TTLL7: variants seen among roughly 807,000 people sequenced by gnomAD.
The protein encoded by TTLL7 is tubulin polyglutamylase TTLL7.
TTLL7 carries 53 observed loss-of-function variants against 120.2 expected under a neutral mutation model. The observed-to-expected ratio is 0.44, with a 90% CI of 0.35 to 0.55. TTLL7 has a LOEUF of 0.55. Ranked by LOEUF, TTLL7 falls within the 20% of genes least tolerant of loss-of-function variation. TTLL7 has a pLI of 0.00. For missense variants in TTLL7, 803 were observed against 1,054.7 expected, an observed-to-expected ratio of 0.76 and a Z score of 3.31; for synonymous variants, 353 against 351.7, an observed-to-expected ratio of 1.00 and a Z score of -0.04.
At chr1:83,977,457 C>CT (rs772112367) in intron 1 of TTLL7, among the ~76,000 whole-genome samples, 1 of 151,470 alleles carries the variant, frequency 6.6e-6, no homozygotes, top group Non-Finnish European at 1.5e-5. Context: ...AATCACATAC[C>CT]TTTTTTTTGT....
intron 18 of TTLL7, among the ~76,000 whole-genome samples, chr1:83,894,226 A>G (rs751076188): frequency 6.6e-6 from 1 of 152,136 alleles, no homozygotes; most frequent in South Asian, 2.1e-4. Context: ...CAGAAAGGAA[A>G]GAATAAAAAA....
At chr1:83,906,661 C>A in intron 16 of TTLL7, 198 bp from the exon 17 acceptor site, 1 of 643,120 alleles carries the variant, frequency 1.6e-6, no homozygotes, top group South Asian at 1.9e-5. Flanking sequence ...TTTCACACTT[C>A]CACAAGGTTA....
rs143921578 is a variant in TTLL7, at chr1:83,987,394, G to A, written c.-177+11537C>T. ...TGATGGCAATTCTCCCTAAATCAAC[G>A]TATAGGTTTAACACAATTTCAATTA... On this transcript the variant is annotated intron_variant, in intron 1 of 20. Coordinates refer to ENST00000260505, the MANE Select transcript of TTLL7 (RefSeq NM_024686.6). 1.0e-2 allele frequency among the ~76,000 whole-genome samples: 1,515 copies of A among 152,156 alleles called. 14 individuals carry two copies. Among genetic ancestry groups the A allele is most frequent in the Non-Finnish European group, 0.015 (1,050 of 67,994 alleles).
intron 12 of TTLL7, among the ~76,000 whole-genome samples, chr1:83,920,824 C>G (rs891509804): frequency 6.6e-6 from 1 of 151,890 alleles, no homozygotes; most frequent in Admixed American, 6.6e-5. Flanking sequence ...TTTAAAAGAC[C>G]ACATTATAAC....
At chr1:83,908,029 T>C (rs538313049) in intron 15 of TTLL7, among the ~76,000 whole-genome samples, 1 of 152,222 alleles carries the variant, frequency 6.6e-6, no homozygotes, top group South Asian at 2.1e-4. Flanking sequence ...TTAGTCCTCA[T>C]GGAAACCCTC....
intron 20 of TTLL7, among the ~76,000 whole-genome samples, chr1:83,871,378 G>A (rs1243650921): frequency 6.6e-6 from 1 of 152,130 alleles, no homozygotes; most frequent in African/African-American, 2.4e-5. Flanking sequence ...TATATGTCTA[G>A]AGAGAAATGG....
chr1:83,902,653 T>C (rs184422783), intron 18 of TTLL7, among the ~76,000 whole-genome samples: 1 of 152,110 alleles, frequency 6.6e-6, no homozygotes, highest in Admixed American at 6.6e-5. Context: ...CTCTGATTTC[T>C]ACATGTAGGA....
rs1653006375 is a variant in TTLL7, at chr1:83,867,679, A to C, written c.*2283T>G. On this transcript the variant is annotated 3_prime_UTR_variant, in exon 21 of 21. Transcript: ENST00000260505. ...AAATTAAGTAATTATTTGTGATTTA[A>C]GATAATGCAAATGAGTGGCCGAGAA... 1 of 152,046 alleles carries C rather than the reference A, an allele frequency of 6.6e-6. No homozygotes were observed. Among genetic ancestry groups the C allele is most frequent in the African/African-American group, 2.4e-5 (1 of 41,444 alleles). 9.4% of individuals were successfully genotyped at this position (152,046 alleles called of 1,614,324 possible).
intron 10 of TTLL7, among the ~76,000 whole-genome samples, chr1:83,928,651 G>A (rs1659335159): frequency 1.3e-5 from 2 of 151,946 alleles, no homozygotes; most frequent in African/African-American, 4.8e-5. Flanking sequence ...GATGTAATGG[G>A]AAGACCTCTG....
At chr1:83,878,967 A>G (rs1403468860) in intron 20 of TTLL7, among the ~76,000 whole-genome samples, 2 of 151,762 alleles carry the variant, frequency 1.3e-5, no homozygotes, top group Non-Finnish European at 2.9e-5. Context: ...TCTATTTTCT[A>G]TCTGTTTTAA....
At chr1:83,965,598 C>G (rs747586924) in intron 1 of TTLL7, among the ~76,000 whole-genome samples, 1 of 152,052 alleles carries the variant, frequency 6.6e-6, no homozygotes. Flanking sequence ...CTCTCTGTAA[C>G]TACAGTATTG....
chr1:83,967,882 GA>G (rs1164332781), intron 1 of TTLL7, among the ~76,000 whole-genome samples: 1 of 151,652 alleles, frequency 6.6e-6, no homozygotes, highest in Non-Finnish European at 1.5e-5. Flanking sequence ...CAAAAAAAAA[GA>G]GTCAAGAATA....
intron 6 of TTLL7, among the ~76,000 whole-genome samples, chr1:83,945,632 A>C (rs1648416337): frequency 6.6e-6 from 1 of 152,192 alleles, no homozygotes; most frequent in Non-Finnish European, 1.5e-5. Context: ...GCATTACATG[A>C]GATAAACCAT....
rs1657582358 is a variant in TTLL7, at chr1:83,910,481, G to T, written c.1786+684C>A. On this transcript the variant is annotated intron_variant, in intron 15 of 20. Transcript: ENST00000260505. ...ATTTGGGGATGAAAGAAAAATCACAGACACAATATTGCACATTTGGAATTG... is the reference window on the plus strand; with the variant it reads ...ATTTGGGGATGAAAGAAAAATCACATACACAATATTGCACATTTGGAATTG... 2.0e-5 allele frequency among the ~76,000 whole-genome samples: 3 copies of T among 152,022 alleles called. No individual in the cohort carries two copies. The South Asian group carries it at 6.2e-4, about 32-fold the overall frequency.
intron 19 of TTLL7, among the ~76,000 whole-genome samples, chr1:83,884,164 G>C (rs1210865607): frequency 1.3e-5 from 2 of 151,840 alleles, no homozygotes; most frequent in East Asian, 3.9e-4. Context: ...GAGGGAGAGA[G>C]AGAGAGAGAT....
chr1:83,926,356 C>T (rs1407858722), intron 10 of TTLL7, among the ~76,000 whole-genome samples: 1 of 152,084 alleles, frequency 6.6e-6, no homozygotes, highest in Non-Finnish European at 1.5e-5. Flanking sequence ...GAGTATCTAT[C>T]GGACCAGGGC....
At chr1:83,911,799 A>C (rs2100773201) in intron 14 of TTLL7, among the ~76,000 whole-genome samples, 1 of 151,936 alleles carries the variant, frequency 6.6e-6, no homozygotes, top group Middle Eastern at 3.4e-3. Flanking sequence ...ATGCATGTGC[A>C]CGTGCAAGTG....
Position 83,914,408 on chromosome 1 carries a change from T to C in TTLL7, c.1588-3045A>G, listed in dbSNP as rs1019805952. Among the ~76,000 whole-genome samples the C allele has an allele frequency of 2.1e-5, 3 of 144,664 alleles. No homozygotes were observed. The Admixed American group carries it at 2.2e-4, about 11-fold the overall frequency. The allele number at this position is 144,664 out of a possible 152,430, so 94.9% of individuals were successfully genotyped here. A position where few individuals can be genotyped will look rare whatever the true frequency, so the allele number is the denominator to read the frequency against. On this transcript the variant is annotated intron_variant, in intron 14 of 20. Transcript: ENST00000260505. ...GTGCAGTGGCGCGATCTTGGCTCAT[T>C]GCAACCTCTGCCTCCCACGTTCAAG...
chr1:83,881,921 A>T (rs536105672), intron 20 of TTLL7, among the ~76,000 whole-genome samples: 4 of 151,280 alleles, frequency 2.6e-5, no homozygotes, highest in African/African-American at 9.7e-5. Context: ...AAAAAGGATG[A>T]GTTCATGTCC....
Sources: gnomAD v4.1 joint callset for allele counts (sites outside exome capture counted in the v4.1 genomes callset) on GRCh38, gnomAD v4.1.1 for gene constraint, MANE v1.5 for transcripts, NCBI Gene and HGNC (gene_info 2026-07-23, HGNC 2026-07-21) for gene names.